Variants in ADAM18 observed in about 807,000 individuals in gnomAD.
The protein encoded by ADAM18 is disintegrin and metalloproteinase domain-containing protein 18.
Under a neutral mutation model 94.4 loss-of-function variants are expected in ADAM18, and 117 were observed. The observed-to-expected ratio is 1.24, with a 90% confidence interval of 1.07 to 1.45. The LOEUF (loss-of-function observed/expected upper bound fraction) is 1.45. Ranked by LOEUF, ADAM18 falls within the 40% of genes most tolerant of loss-of-function variation. The probability of loss-of-function intolerance (pLI) is 0.00; values close to 1 mark genes in which losing one functional copy is unlikely to be tolerated. For synonymous variants in ADAM18, 327 were observed against 291.6 expected, an observed-to-expected ratio of 1.12 and a Z score of -1.24; for missense variants, 936 against 880.0, an observed-to-expected ratio of 1.06 and a Z score of -0.81.
chr8:39,639,974 G>T (rs564500991), intron 10 of ADAM18, among the ~76,000 whole-genome samples: 2 of 151,996 alleles, frequency 1.3e-5, no homozygotes, highest in Admixed American at 1.3e-4. Flanking sequence ...AAGAAAAATG[G>T]GAAGTAAATT....
intron 11 of ADAM18, 77 bp downstream of exon 11, chr8:39,645,551 T>C (rs1820355649): frequency 7.1e-7 from 1 of 1,401,344 alleles, no homozygotes. Context: ...TTTTAAACTT[T>C]TATATTCGGC....
At chr8:39,617,522 A>G (rs893787253) in intron 6 of ADAM18, among the ~76,000 whole-genome samples, 9 of 152,194 alleles carry the variant, frequency 5.9e-5, no homozygotes, top group African/African-American at 2.2e-4. Flanking sequence ...ATTCCACCAT[A>G]AAAACACATG....
Position 39,585,289 on chromosome 8 carries a change from A to G in ADAM18, c.69A>G (p.Ile23Met), listed in dbSNP as rs775289598. 2 of 1,612,486 alleles carry G rather than the reference A, an allele frequency of 1.2e-6. No individual in the cohort carries two copies. Among genetic ancestry groups the G allele is most frequent in the Non-Finnish European group, 1.7e-6 (2 of 1,179,484 alleles). The stretch of plus-strand genomic sequence containing the variant: ...TTCTTACTGCAGGTTCTGAAGGAAT[A>G]TTTCTGCATGTCACAGTTCCACGGA... ...RLQAHEGSEG[I>M]FLHVTVPRKI... The change falls in exon 2 of 20, where the codon ATA (isoleucine) becomes ATG (methionine). Residue 23 changes from isoleucine (I) to methionine (M), a missense_variant. By Grantham distance (10) the Ile-to-Met change is conservative. Coordinates refer to ENST00000265707, the MANE Select transcript of ADAM18 (RefSeq NM_014237.3).
At chr8:39,646,264 G>A (rs1820372824) in intron 11 of ADAM18, among the ~76,000 whole-genome samples, 1 of 152,000 alleles carries the variant, frequency 6.6e-6, no homozygotes, top group Admixed American at 6.6e-5. Context: ...CTACCTTGGT[G>A]CTATCCAATA....
intron 18 of ADAM18, 101 bp from the exon 19 acceptor site, chr8:39,723,647 A>G (rs954020346): frequency 1.9e-5 from 16 of 864,668 alleles, no homozygotes; most frequent in Non-Finnish European, 2.4e-5. Context: ...CAATGCATTA[A>G]AACTTCATTA....
intron 12 of ADAM18, among the ~76,000 whole-genome samples, chr8:39,662,898 T>TA (rs1176550156): frequency 2.6e-5 from 4 of 152,206 alleles, no homozygotes; most frequent in African/African-American, 9.6e-5. Context: ...GTGCTGGGAT[T>TA]ACAGGCGTGA....
rs2129581324 is a variant in ADAM18 at position 39,706,777 on chromosome 8, T to A, written c.1903-13T>A. 6.8e-7 allele frequency: 1 copy of A among 1,471,890 alleles called. No individual in the cohort carries two copies. The highest frequency in any genetic ancestry group is 1.4e-5 in the African/African-American group (1 of 71,668). 91.2% of individuals were successfully genotyped at this position (1,471,890 alleles called of 1,614,324 possible). Reference sequence around the variant, plus strand: ...AAGACGACTCAAACTGTTTCTGTATTTTTCTGTTTCAGATATGTAATAATT... The same window carrying A: ...AAGACGACTCAAACTGTTTCTGTATATTTCTGTTTCAGATATGTAATAATT... On this transcript the variant is annotated splice_polypyrimidine_tract_variant and intron_variant, in intron 17 of 19. Coordinates refer to ENST00000265707, the MANE Select transcript of ADAM18 (RefSeq NM_014237.3).
intron 6 of ADAM18, among the ~76,000 whole-genome samples, chr8:39,623,108 A>G (rs1819660525): frequency 6.6e-6 from 1 of 152,148 alleles, no homozygotes; most frequent in Non-Finnish European, 1.5e-5. Context: ...GTGAGAACAT[A>G]TAGTATCTGT....
intron 6 of ADAM18, among the ~76,000 whole-genome samples, chr8:39,623,726 A>G (rs963657965): frequency 9.2e-5 from 14 of 152,022 alleles, no homozygotes; most frequent in African/African-American, 2.9e-4. Context: ...CCTCCCGAGT[A>G]GCTGGGACTA....
intron 11 of ADAM18, among the ~76,000 whole-genome samples, chr8:39,647,936 T>C (rs992701053): frequency 6.6e-6 from 1 of 152,210 alleles, no homozygotes; most frequent in African/African-American, 2.4e-5. Context: ...GAATTTCTTA[T>C]GTCTTCTCTT....
intron 7 of ADAM18, among the ~76,000 whole-genome samples, chr8:39,636,453 T>A (rs1402070259): frequency 2.6e-5 from 4 of 152,204 alleles, no homozygotes; most frequent in African/African-American, 9.6e-5. Flanking sequence ...TAAAATGTAA[T>A]AAGTTATTGA....
Position 39,670,469 on chromosome 8 carries a change from C to G in ADAM18, c.1525+2273C>G, listed in dbSNP as rs1322702509. 2.0e-5 allele frequency among the ~76,000 whole-genome samples: 3 copies of G among 152,086 alleles called. No homozygotes were observed. In the South Asian group the frequency reaches 6.2e-4, roughly 32 times the overall value. ...TGGTATATTATATGGGACATGTTAACTAACAAGTAGTTACATTAAGTTTGC... is the reference window on the plus strand; with the variant it reads ...TGGTATATTATATGGGACATGTTAAGTAACAAGTAGTTACATTAAGTTTGC... On this transcript the variant is annotated intron_variant, in intron 14 of 19. Coordinates refer to ENST00000265707, the MANE Select transcript of ADAM18 (RefSeq NM_014237.3).
intron 6 of ADAM18, among the ~76,000 whole-genome samples, chr8:39,613,345 G>C (rs967013454): frequency 1.3e-4 from 20 of 152,334 alleles, no homozygotes; most frequent in African/African-American, 4.6e-4. Flanking sequence ...CCCAGGGTTA[G>C]AGCATGCAGC....
At chr8:39,695,102 TACC>T (rs1473984293) in intron 17 of ADAM18, among the ~76,000 whole-genome samples, 178 of 151,676 alleles carry the variant, frequency 1.2e-3, no homozygotes, top group African/African-American at 4.2e-3. Context: ...TGTACAGATG[TACC>T]ACAGTGTGTT....
chr8:39,724,827 G>A (rs905272605), intron 19 of ADAM18, among the ~76,000 whole-genome samples: 5 of 151,890 alleles, frequency 3.3e-5, no homozygotes, highest in African/African-American at 9.7e-5. Flanking sequence ...TTAGTTAGAA[G>A]TATATTGTTT....
rs1821790984 is a variant in ADAM18 at position 39,691,848 on chromosome 8, G to T, written c.1822-752G>T. On this transcript the variant is annotated intron_variant, in intron 16 of 19. Transcript: ENST00000265707. ...CATCTGATATTTGCTGAATATGAGG[G>T]ACAAAAGTGAGTTGACATATGCAAC... Among the ~76,000 whole-genome samples the T allele has an allele frequency of 1.3e-5, 2 of 151,850 alleles. 1 individual carries two copies.
At chr8:39,723,305 G>T (rs1326816548) in intron 18 of ADAM18, among the ~76,000 whole-genome samples, 1 of 151,510 alleles carries the variant, frequency 6.6e-6, no homozygotes, top group African/African-American at 2.4e-5. Context: ...ATAGGTATAA[G>T]TATGAATTTT....
intron 18 of ADAM18, among the ~76,000 whole-genome samples, chr8:39,707,661 T>C (rs1016271380): frequency 1.3e-5 from 2 of 152,152 alleles, no homozygotes; most frequent in African/African-American, 4.8e-5. Flanking sequence ...TATGTATGTA[T>C]ATTTTGTATG....
chr8:39,590,612 A>C (rs1369652863), intron 2 of ADAM18, among the ~76,000 whole-genome samples: 1 of 152,224 alleles, frequency 6.6e-6, no homozygotes, highest in African/African-American at 2.4e-5. Flanking sequence ...TAAAAAAAAT[A>C]AAATGAATGC....
Sources: gnomAD v4.1 joint callset for allele counts (sites outside exome capture counted in the v4.1 genomes callset) on GRCh38, gnomAD v4.1.1 for gene constraint, MANE v1.5 for transcripts, NCBI Gene and HGNC (gene_info 2026-07-23, HGNC 2026-07-21) for gene names.